TXLNB: variants seen among roughly 807,000 people sequenced by gnomAD.
TXLNB encodes beta-taxilin.
In TXLNB, 37 loss-of-function variants were observed where a neutral mutation model predicts 57.4. That is an observed-to-expected ratio of 0.64 (90% CI 0.50 to 0.85). The LOEUF (loss-of-function observed/expected upper bound fraction) is 0.85, where lower values mean the gene tolerates loss of function less well. Among genes scored for constraint, TXLNB ranks in the 40% least tolerant of loss-of-function variants. The pLI is 0.00. For synonymous variants in TXLNB, 302 were observed against 309.6 expected (o/e 0.98, Z 0.26); for missense variants, 848 against 825.6 (o/e 1.03, Z -0.33).
At chr6:139,188,623 C>T in the TXLNB span, among the ~76,000 whole-genome samples, 1 of 152,232 alleles carries the variant, frequency 6.6e-6, no homozygotes, top group Non-Finnish European at 1.5e-5. Flanking sequence ...AGAAATTTCA[C>T]TCCCAACGTC....
intron 9 of TXLNB, among the ~76,000 whole-genome samples, chr6:139,244,273 TTTAAAGTAAAA>T (rs1776021639): frequency 6.6e-6 from 1 of 152,166 alleles, no homozygotes; most frequent in Non-Finnish European, 1.5e-5. Flanking sequence ...ACTGGGGAAA[TTTAAAGTAAAA>T]TAAGACACTC....
chr6:139,242,792 C>T lies in TXLNB; in HGVS notation c.1789G>A (p.Ala597Thr), dbSNP rs1775974876. Residue 597 changes from alanine (A) to threonine (T), a missense_variant, in exon 10 of 10, where the codon GCA (alanine) becomes ACA (threonine). By Grantham distance (58) the Ala-to-Thr change is moderately conservative (BLOSUM62 0). Coordinates refer to ENST00000358430, the MANE Select transcript of TXLNB (RefSeq NM_153235.4). ...TTCCAGGACGCCTGATCAGCCTGTG[C>T]TCCAACAGGGAGACCCTCGCATTGG... ...ETQCEGLPVG[A>T]QADQASWKPE... 6.2e-7 allele frequency: 1 copy of T among 1,614,034 alleles called. No homozygotes were observed. The highest frequency in any genetic ancestry group is 8.5e-7 in the Non-Finnish European group (1 of 1,180,034).
chr6:139,289,332 C>T (rs886478512), intron 1 of TXLNB, among the ~76,000 whole-genome samples: 1 of 142,168 alleles, frequency 7.0e-6, no homozygotes, highest in African/African-American at 2.5e-5. Flanking sequence ...GTCACGTACC[C>T]CCTGCTTGCT....
chr6:139,243,013 G>A lies in TXLNB; in HGVS notation c.1568C>T (p.Thr523Ile), dbSNP rs375856658. The change falls in exon 10 of 10, where the codon ACC (threonine) becomes ATC (isoleucine). Residue 523 changes from threonine (T) to isoleucine (I), a missense_variant. Transcript: ENST00000358430. ...PESTPHQSKE[T>I]QPEIGSSQES... is the part of the protein sequence containing the mutation. ...CTGAGAACTGCCTATTTCGGGTTGG[G>A]TTTCTTTGGACTGGTGCGGGGTTGA... 2.5e-6 allele frequency: 4 copies of A among 1,614,024 alleles called. No homozygotes were observed. The highest frequency in any genetic ancestry group is 3.4e-6 in the Non-Finnish European group (4 of 1,180,048).
At chr6:139,193,838 A>ATTT in the TXLNB span, among the ~76,000 whole-genome samples, 377 of 52,676 alleles carry the variant, frequency 7.2e-3, 1 homozygote, top group South Asian at 0.039. Context: ...ATATATATAT[A>ATTT]TATTTTTTTT....
chr6:139,301,616 G>A, the TXLNB span, among the ~76,000 whole-genome samples: 1 of 152,164 alleles, frequency 6.6e-6, no homozygotes, highest in East Asian at 1.9e-4. Context: ...GAGATACAAT[G>A]GGTTTGGAAT....
downstream of TXLNB, among the ~76,000 whole-genome samples, chr6:139,236,550 G>T: frequency 6.6e-6 from 1 of 152,156 alleles, no homozygotes; most frequent in East Asian, 1.9e-4. Context: ...TGTGAAGAAG[G>T]CACCTGCTTC....
At chr6:139,287,525 T>A (rs1407884097) in intron 2 of TXLNB, among the ~76,000 whole-genome samples, 2 of 152,180 alleles carry the variant, frequency 1.3e-5, no homozygotes, top group Non-Finnish European at 2.9e-5. Context: ...TCATATGTGG[T>A]CTCTGCCCTT....
Position 139,242,527 on chromosome 6 carries a change from T to C in TXLNB, c.2054A>G (p.Ter685=), listed in dbSNP as rs778461411. ...VADTNLEGVD[*] is the part of the protein sequence containing the mutation. ...AAGCCTCTGAAGGCACGGTGAGGCTTAGTCGACGCCTTCCAGATTGGTGTC... is the reference window on the plus strand; with the variant it reads ...AAGCCTCTGAAGGCACGGTGAGGCTCAGTCGACGCCTTCCAGATTGGTGTC... Residue 685 remains the stop codon, a stop_retained_variant, in exon 10 of 10, where the codon TAA becomes TGA. Transcript: ENST00000358430. The C allele has an allele frequency of 3.6e-5, 54 of 1,498,758 alleles. No individual in the cohort carries two copies. The highest frequency in any genetic ancestry group is 1.2e-4 in the South Asian group (9 of 72,522). 92.8% of individuals were successfully genotyped at this position (1,498,758 alleles called of 1,614,324 possible). A position where few individuals can be genotyped will look rare whatever the true frequency, so the allele number is the denominator to read the frequency against.
At chr6:139,166,080 G>C in the TXLNB span, 1 of 507,270 alleles carries the variant, frequency 2.0e-6, no homozygotes, top group Non-Finnish European at 3.5e-6. Context: ...GTCCTTTTTA[G>C]AGATTCCACC....
intron 2 of TXLNB, among the ~76,000 whole-genome samples, chr6:139,283,948 A>G (rs1385921302): frequency 6.8e-6 from 1 of 146,070 alleles, no homozygotes; most frequent in East Asian, 2.0e-4. Flanking sequence ...AATAGGTTAT[A>G]AAAGGAGACC....
the TXLNB span, chr6:139,234,235 G>C: frequency 6.6e-6 from 1 of 152,176 alleles, no homozygotes. Flanking sequence ...ACCCATTTTG[G>C]GGGGAGAAAG....
At chr6:139,174,509 C>T in the TXLNB span, 14 of 1,613,808 alleles carry the variant, frequency 8.7e-6, no homozygotes, top group East Asian at 4.5e-5. Context: ...TGTACACCTA[C>T]GACATCCTGG....
rs145389720 is a variant in TXLNB, at chr6:139,267,129, T to C, written c.687+3327A>G. On this transcript the variant is annotated intron_variant, in intron 4 of 9. Coordinates refer to ENST00000358430, the MANE Select transcript of TXLNB (RefSeq NM_153235.4). Reference sequence around the variant, plus strand: ...GTACTATAAGAAATACTAAAAGAAGTACTTCAGGCTGAGGGAAATGACATC... The same window carrying C: ...GTACTATAAGAAATACTAAAAGAAGCACTTCAGGCTGAGGGAAATGACATC... Among the ~76,000 whole-genome samples, 9 of 152,122 alleles carry C rather than the reference T, an allele frequency of 5.9e-5. No homozygotes were observed. The East Asian group carries it at 1.7e-3, about 29-fold the overall frequency.
In TXLNB at chr6:139,262,694, T is replaced by C; in HGVS notation, c.767A>G (p.Asp256Gly). The C allele has an allele frequency of 2.5e-6, 4 of 1,614,216 alleles. No individual in the cohort carries two copies. The highest frequency in any genetic ancestry group is 3.4e-6 in the Non-Finnish European group (4 of 1,180,030). Residue 256 changes from aspartate (D) to glycine (G), a missense_variant, in exon 5 of 10, where the codon GAC becomes GGC. Physicochemically the swap from Asp to Gly is moderately conservative, Grantham distance 94. Transcript: ENST00000358430. ...ITSHFQSTLT[D>G]IQGQIEQQSE... ...CTGCTGCTCGATCTGGCCCTGGATG[T>C]CCGTGAGGGTACTCTGGAAATGGCT...
the TXLNB span, among the ~76,000 whole-genome samples, chr6:139,221,996 G>T: frequency 6.7e-6 from 1 of 148,322 alleles, no homozygotes; most frequent in Non-Finnish European, 1.5e-5. Flanking sequence ...AACAGAGAGG[G>T]GAATATAATA....
chr6:139,287,754 T>G (rs1222161449), intron 2 of TXLNB, among the ~76,000 whole-genome samples: 2 of 152,206 alleles, frequency 1.3e-5, no homozygotes, highest in Non-Finnish European at 2.9e-5. Flanking sequence ...GTTTTAAAAA[T>G]TAACGTTCTC....
chr6:139,274,096 C>T (rs917886433), intron 3 of TXLNB, among the ~76,000 whole-genome samples: 6 of 152,172 alleles, frequency 3.9e-5, no homozygotes, highest in African/African-American at 1.4e-4. Context: ...CTGATGTTGT[C>T]TTAACTACAT....
chr6:139,297,994 CAG>C, the TXLNB span, among the ~76,000 whole-genome samples: 6 of 152,136 alleles, frequency 3.9e-5, no homozygotes, highest in Non-Finnish European at 7.4e-5. Flanking sequence ...TGTAATCAAA[CAG>C]AGATTATTTT....
Sources: gnomAD v4.1 joint callset for allele counts (sites outside exome capture counted in the v4.1 genomes callset) on GRCh38, gnomAD v4.1.1 for gene constraint, MANE v1.5 for transcripts, NCBI Gene and HGNC (gene_info 2026-07-23, HGNC 2026-07-21) for gene names.